VPS13B: variants seen among roughly 807,000 people sequenced by gnomAD.
VPS13B encodes the protein intermembrane lipid transfer protein VPS13B.
Under a neutral mutation model 426.4 loss-of-function variants are expected in VPS13B, and 285 were observed. That is an observed-to-expected ratio of 0.67 (90% CI 0.61 to 0.74). The LOEUF is 0.74. Among genes scored for constraint, VPS13B ranks in the 30% least tolerant of loss-of-function variants. The pLI, the probability that VPS13B is intolerant of heterozygous loss-of-function variation, is 0.00. For missense variants in VPS13B, 4,537 were observed against 4,782.6 expected (o/e 0.95, Z 1.51); for synonymous variants, 1,676 against 1,676.4 (o/e 1.00, Z 0.01).
intron 25 of VPS13B, among the ~76,000 whole-genome samples, chr8:99,489,988 CA>C (rs1472449483): frequency 6.6e-6 from 1 of 152,090 alleles, no homozygotes; most frequent in Non-Finnish European, 1.5e-5. Flanking sequence ...TGCCAGTTTT[CA>C]AAGGGAATGC....
At chr8:99,684,795 GT>G (rs1377526850) in intron 35 of VPS13B, among the ~76,000 whole-genome samples, 1 of 152,006 alleles carries the variant, frequency 6.6e-6, no homozygotes, top group Non-Finnish European at 1.5e-5. Flanking sequence ...TGGTTTTTGG[GT>G]TTTTTGTTTG....
chr8:99,078,129 A>T (rs1845239279), intron 3 of VPS13B, among the ~76,000 whole-genome samples: 1 of 151,288 alleles, frequency 6.6e-6, no homozygotes, highest in Non-Finnish European at 1.5e-5. Flanking sequence ...TTTCTCACTG[A>T]GGCTCTTCGT....
intron 17 of VPS13B, among the ~76,000 whole-genome samples, chr8:99,269,010 G>A (rs947783191): frequency 1.1e-4 from 16 of 152,034 alleles, no homozygotes; most frequent in African/African-American, 3.9e-4. Context: ...CCTTTGCTTG[G>A]CACTTCTCTC....
chr8:99,818,365 T>G, intron 45 of VPS13B, 86 bp from the exon 46 acceptor site: 2 of 1,344,418 alleles, frequency 1.5e-6, no homozygotes, highest in South Asian at 1.2e-5. Context: ...CTTTTTAATC[T>G]TCCAAACTGA....
chr8:99,284,614 G>C (rs142506304), intron 19 of VPS13B, among the ~76,000 whole-genome samples: 2 of 151,954 alleles, frequency 1.3e-5, no homozygotes, highest in Non-Finnish European at 2.9e-5. Context: ...CCAGGAAGGA[G>C]TGCAGTGGTG....
At chr8:99,599,034 A>G (rs543422814) in intron 33 of VPS13B, among the ~76,000 whole-genome samples, 31 of 152,128 alleles carry the variant, frequency 2.0e-4, no homozygotes, top group Non-Finnish European at 3.5e-4. Context: ...ACTTTTTGCC[A>G]TTATTTATTG....
At chr8:99,431,707 T>A in intron 22 of VPS13B, 43 bp downstream of exon 22, 1 of 1,582,866 alleles carries the variant, frequency 6.3e-7, no homozygotes, top group African/African-American at 1.4e-5. Flanking sequence ...ATTTCTATAA[T>A]CCTTTTTAAT....
At chr8:99,146,173 G>T (rs1810716833) in intron 13 of VPS13B, among the ~76,000 whole-genome samples, 2 of 152,148 alleles carry the variant, frequency 1.3e-5, no homozygotes, top group African/African-American at 4.8e-5. Context: ...AAGTTTTAAT[G>T]TTTTTCATTT....
chr8:99,646,330 C>T (rs1304464024), intron 34 of VPS13B, among the ~76,000 whole-genome samples: 1 of 152,100 alleles, frequency 6.6e-6, no homozygotes, highest in African/African-American at 2.4e-5. Context: ...GCCTAGACAA[C>T]ATAGTGAGAC....
At chr8:99,350,023 T>C (rs972466317) in intron 19 of VPS13B, among the ~76,000 whole-genome samples, 1 of 152,182 alleles carries the variant, frequency 6.6e-6, no homozygotes, top group Non-Finnish European at 1.5e-5. Flanking sequence ...ATCAGTGTTA[T>C]GAGATTATAC....
chr8:99,572,350 G>C (rs577713330), intron 31 of VPS13B, among the ~76,000 whole-genome samples: 2 of 152,230 alleles, frequency 1.3e-5, no homozygotes, highest in East Asian at 3.9e-4. Flanking sequence ...TAGGGTAGAT[G>C]TGCACAACGT....
intron 23 of VPS13B, among the ~76,000 whole-genome samples, chr8:99,464,101 A>G (rs1409088186): frequency 6.6e-6 from 1 of 152,144 alleles, no homozygotes; most frequent in African/African-American, 2.4e-5. Flanking sequence ...CGAGTGTTAT[A>G]CTCACAATAG....
chr8:99,601,752 G>T (rs1195659369), intron 33 of VPS13B, among the ~76,000 whole-genome samples: 6 of 152,208 alleles, frequency 3.9e-5, no homozygotes, highest in African/African-American at 2.4e-5. Flanking sequence ...AATCACCAGT[G>T]ATGATGAGCT....
At chr8:99,360,148 TTCTTTCTTTCTTTC>T (rs1200224911) in intron 19 of VPS13B, among the ~76,000 whole-genome samples, 12 of 33,416 alleles carry the variant, frequency 3.6e-4, no homozygotes, top group Admixed American at 1.3e-3. Flanking sequence ...CTTTCTTTCT[TTCTTTCTTTCTTTC>T]TTTCTTTCTT....
intron 16 of VPS13B, among the ~76,000 whole-genome samples, chr8:99,171,801 TTAGTA>T (rs1251083985): frequency 6.6e-6 from 1 of 152,108 alleles, no homozygotes; most frequent in Admixed American, 6.6e-5. Flanking sequence ...AAAAAAAACT[TTAGTA>T]ACTGTAACTT....
chr8:99,165,298 A>G (rs866513886), intron 15 of VPS13B, among the ~76,000 whole-genome samples: 1 of 152,266 alleles, frequency 6.6e-6, no homozygotes, highest in Middle Eastern at 3.4e-3. Context: ...TCTAATTGAA[A>G]TTTTGTATGC....
At chr8:99,716,566 G>A (rs1453483897) in intron 36 of VPS13B, among the ~76,000 whole-genome samples, 1 of 151,942 alleles carries the variant, frequency 6.6e-6, no homozygotes, top group Non-Finnish European at 1.5e-5. Flanking sequence ...TCCTTTTCTG[G>A]GTATATTTAC....
chr8:99,208,721 A>G (rs572342102), intron 17 of VPS13B, among the ~76,000 whole-genome samples: 1 of 152,342 alleles, frequency 6.6e-6, no homozygotes, highest in African/African-American at 2.4e-5. Flanking sequence ...TCTTATTATC[A>G]TAGATTGACT....
chr8:99,665,170 T>G (rs1169066281), intron 35 of VPS13B, among the ~76,000 whole-genome samples: 1 of 151,736 alleles, frequency 6.6e-6, no homozygotes. Flanking sequence ...GGGTTGTTTG[T>G]TTTTTTCTTA....
Sources: allele counts gnomAD v4.1 joint callset (sites outside exome capture counted in the v4.1 genomes callset), GRCh38; gene constraint gnomAD v4.1.1; transcripts MANE v1.5; gene names NCBI Gene and HGNC (gene_info 2026-07-23, HGNC 2026-07-21).